Variants in OSTC observed in about 807,000 individuals in gnomAD.
The protein encoded by OSTC is oligosaccharyltransferase complex subunit OSTC.
In OSTC, 16 loss-of-function variants were observed where a neutral mutation model predicts 16.4. The ratio of observed to expected loss-of-function variants is 0.98; its 90% CI spans 0.66 to 1.49. OSTC has a LOEUF of 1.49. Among genes scored for constraint, OSTC ranks in the 40% most tolerant of loss-of-function variants. OSTC has a pLI of 0.00. For synonymous variants in OSTC, 67 were observed against 68.5 expected (o/e 0.98, Z 0.11); for missense variants, 139 against 186.3 (o/e 0.75, Z 1.48).
At chr4:108,651,894 T>C (rs1222503683) in intron 1 of OSTC, among the ~76,000 whole-genome samples, 1 of 152,194 alleles carries the variant, frequency 6.6e-6, no homozygotes, top group East Asian at 1.9e-4. Context: ...TGAATTTACC[T>C]CCTTCCCCCA....
At chr4:108,664,040 A>G (rs1325900472) in intron 3 of OSTC, among the ~76,000 whole-genome samples, 1 of 152,168 alleles carries the variant, frequency 6.6e-6, no homozygotes, top group Non-Finnish European at 1.5e-5. Flanking sequence ...AGTGTATTTC[A>G]ACAATTTTAT....
intron 1 of OSTC, among the ~76,000 whole-genome samples, chr4:108,654,666 A>C (rs933301279): frequency 2.6e-5 from 4 of 152,198 alleles, no homozygotes; most frequent in Non-Finnish European, 4.4e-5. Flanking sequence ...CTGGAGATGA[A>C]GATGTTTGAG....
At chr4:108,663,225 G>A (rs1201121311) in intron 3 of OSTC, 14 of 455,426 alleles carry the variant, frequency 3.1e-5, no homozygotes, top group East Asian at 1.4e-4. Flanking sequence ...GTTTTGTTTC[G>A]TATTGAGACG....
chr4:108,656,459 CAAA>C (rs57779434), intron 2 of OSTC, among the ~76,000 whole-genome samples: 3 of 121,800 alleles, frequency 2.5e-5, no homozygotes, highest in East Asian at 2.3e-4. Context: ...AACAATTGAC[CAAA>C]AAAAAAAAAA....
chr4:108,650,828 AG>A (rs1270831903), intron 1 of OSTC, 34 bp downstream of exon 1: 2 of 1,613,586 alleles, frequency 1.2e-6, no homozygotes, highest in Non-Finnish European at 1.7e-6. Context: ...GAGGCTGAGG[AG>A]CGGAGAACTG....
chr4:108,665,265 T>C (rs2575631), intron 3 of OSTC, among the ~76,000 whole-genome samples: 118,676 of 151,632 alleles, frequency 0.78, 46,793 homozygotes, highest in East Asian at 1. Context: ...TGCATGTAAC[T>C]ACGAGTAGCA....
At chr4:108,658,195 G>A (rs1257856262) in intron 3 of OSTC, among the ~76,000 whole-genome samples, 2 of 152,010 alleles carry the variant, frequency 1.3e-5, no homozygotes, top group African/African-American at 2.4e-5. Context: ...GCCTTCCAAA[G>A]TGCTGGGATT....
rs139518096 is a variant in OSTC at position 108,656,972 on chromosome 4, G to A, written c.234-478G>A. 9.7e-3 allele frequency among the ~76,000 whole-genome samples: 1,469 copies of A among 151,556 alleles called. 28 individuals carry two copies. Among genetic ancestry groups the A allele is most frequent in the African/African-American group, 0.034 (1,385 of 41,282 alleles). On this transcript the variant is annotated intron_variant, in intron 2 of 3. Coordinates refer to ENST00000361564, the MANE Select transcript of OSTC (RefSeq NM_021227.4). ...AAATTAGCCAGGCGTGGTGGCACGCGCCTGTAGTCCCAGCGATCTGGGAGG... is the reference window on the plus strand; with the variant it reads ...AAATTAGCCAGGCGTGGTGGCACGCACCTGTAGTCCCAGCGATCTGGGAGG...
At chr4:108,661,402 C>T (rs1726854339) in intron 3 of OSTC, among the ~76,000 whole-genome samples, 1 of 151,882 alleles carries the variant, frequency 6.6e-6, no homozygotes, top group African/African-American at 2.4e-5. Context: ...TATGTGAAAT[C>T]ATGTATGTAT....
chr4:108,659,637 C>T (rs757736349), intron 3 of OSTC, among the ~76,000 whole-genome samples: 11 of 152,010 alleles, frequency 7.2e-5, no homozygotes, highest in Non-Finnish European at 1.3e-4. Context: ...GGCATGGTGT[C>T]GGGTGCCTGT....
intron 1 of OSTC, chr4:108,651,381 A>G (rs1726538323): frequency 6.6e-6 from 1 of 152,656 alleles, no homozygotes; most frequent in East Asian, 1.9e-4. Context: ...GGTTTGATAA[A>G]TATTTGAGAT....
chr4:108,659,596 A>G (rs1319358417), intron 3 of OSTC, among the ~76,000 whole-genome samples: 1 of 151,992 alleles, frequency 6.6e-6, no homozygotes, highest in East Asian at 1.9e-4. Flanking sequence ...GTGAAACCCC[A>G]TCTCTTACTA....
At chr4:108,664,751 AC>A (rs2110388566) in intron 3 of OSTC, among the ~76,000 whole-genome samples, 2 of 151,864 alleles carry the variant, frequency 1.3e-5, no homozygotes, top group South Asian at 4.2e-4. Flanking sequence ...GCACTACCAC[AC>A]CCAGGTAATT....
intron 1 of OSTC, among the ~76,000 whole-genome samples, chr4:108,653,111 A>G (rs758389294): frequency 1.4e-4 from 22 of 152,256 alleles, no homozygotes; most frequent in African/African-American, 4.6e-4. Context: ...AGCTGGGACT[A>G]TGGTGCAGGA....
Position 108,663,627 on chromosome 4 carries a change from CT to C in OSTC, c.432-3618del, listed in dbSNP as rs201676181. Among the ~76,000 whole-genome samples, 1,239 of 152,232 alleles carry C rather than the reference CT, an allele frequency of 8.1e-3. 8 individuals are homozygous for C. Among genetic ancestry groups the C allele is most frequent in the Middle Eastern group, 0.048 (14 of 294 alleles). The stretch of plus-strand genomic sequence containing the variant: ...AATGCTGGTTTTGTTCTTTTCTGGC[CT>C]TGTGATTTTTGAGCAAACGACTTAA... On this transcript the variant is annotated intron_variant, in intron 3 of 3. Transcript: ENST00000361564.
intron 3 of OSTC, among the ~76,000 whole-genome samples, chr4:108,665,660 A>G (rs1726978281): frequency 6.6e-6 from 1 of 151,598 alleles, no homozygotes; most frequent in Non-Finnish European, 1.5e-5. Context: ...CCTGGGTTCA[A>G]GCAATTCTCC....
chr4:108,665,308 T>G (rs1265511366), intron 3 of OSTC, among the ~76,000 whole-genome samples: 2 of 152,182 alleles, frequency 1.3e-5, no homozygotes, highest in South Asian at 4.1e-4. Flanking sequence ...TTATAATCCT[T>G]AAAACCCTTT....
chr4:108,650,726 G>A lies in OSTC; in HGVS notation c.71G>A (p.Trp24Ter), dbSNP rs1166490312. 3 of 1,614,248 alleles carry A rather than the reference G, an allele frequency of 1.9e-6. No homozygotes were observed. The East Asian group carries it at 6.7e-5, about 36-fold the overall frequency. Residue 24 changes from tryptophan to a stop codon, truncating the protein, a stop_gained, in exon 1 of 4, where the codon TGG (tryptophan) becomes TAG (stop). Coordinates refer to ENST00000361564, the MANE Select transcript of OSTC (RefSeq NM_021227.4). LOFTEE classifies it high-confidence loss of function. ...AACCTGAAGCTGAAGAAGCCGCCCT[G>A]GTTGCACATGCCGTCGGCCATGACT... is the stretch of plus-strand genomic sequence containing the variant. Reference protein sequence around the residue: ...CPNLKLKKPPWLHMPSAMTVY... With the variant: ...CPNLKLKKPP
At chr4:108,654,045 A>C (rs1726631319) in intron 1 of OSTC, among the ~76,000 whole-genome samples, 1 of 152,236 alleles carries the variant, frequency 6.6e-6, no homozygotes, top group Non-Finnish European at 1.5e-5. Context: ...GCAAGAAAAC[A>C]TGAAGAGGAG....
Sources: allele counts gnomAD v4.1 joint callset (sites outside exome capture counted in the v4.1 genomes callset), GRCh38; gene constraint gnomAD v4.1.1; transcripts MANE v1.5; gene names NCBI Gene and HGNC (gene_info 2026-07-23, HGNC 2026-07-21).